Variants in GPC5 observed in about 807,000 individuals in gnomAD.
GPC5 encodes the protein glypican-5.
GPC5 carries 47 observed loss-of-function variants against 53.9 expected under a neutral mutation model. The observed-to-expected ratio is 0.87, with a 90% CI of 0.69 to 1.11. The LOEUF (loss-of-function observed/expected upper bound fraction) is 1.11, where lower values mean the gene tolerates loss of function less well. Among genes scored for constraint, GPC5 ranks in the 50% most tolerant of loss-of-function variants. The pLI is 0.00. For missense variants in GPC5, 748 were observed against 713.1 expected, an observed-to-expected ratio of 1.05 and a Z score of -0.56; for synonymous variants, 286 against 263.3, an observed-to-expected ratio of 1.09 and a Z score of -0.84.
intron 6 of GPC5, among the ~76,000 whole-genome samples, chr13:92,010,771 C>T (rs2040654321): frequency 1.3e-5 from 2 of 152,164 alleles, no homozygotes; most frequent in South Asian, 4.1e-4. Context: ...TAGGCATCTA[C>T]AAGCCAGGAA....
intron 7 of GPC5, among the ~76,000 whole-genome samples, chr13:92,551,070 G>T (rs1222390589): frequency 6.6e-6 from 1 of 151,874 alleles, no homozygotes; most frequent in African/African-American, 2.4e-5. Context: ...TTGATATTTT[G>T]TGATAATTGT....
At chr13:91,452,091 T>G (rs912570461) in intron 2 of GPC5, among the ~76,000 whole-genome samples, 5 of 152,106 alleles carry the variant, frequency 3.3e-5, no homozygotes, top group Non-Finnish European at 7.4e-5. Context: ...CTAAAGTGTT[T>G]CTCCTACTAC....
chr13:91,963,671 A>T (rs2139078855), intron 6 of GPC5, among the ~76,000 whole-genome samples: 1 of 152,276 alleles, frequency 6.6e-6, no homozygotes, highest in South Asian at 2.1e-4. Context: ...ACAAAAAGAT[A>T]ATGATTAAAA....
At chr13:91,972,284 G>T (rs535950275) in intron 6 of GPC5, among the ~76,000 whole-genome samples, 29 of 152,180 alleles carry the variant, frequency 1.9e-4, no homozygotes, top group African/African-American at 6.7e-4. Context: ...GACTAGGATT[G>T]CAACCCCTGC....
chr13:92,186,499 A>G (rs926068973), intron 7 of GPC5, among the ~76,000 whole-genome samples: 1 of 152,074 alleles, frequency 6.6e-6, no homozygotes, highest in Admixed American at 6.5e-5. Context: ...ATAATAAAAT[A>G]TATTAACTAG....
chr13:92,245,827 TTG>T lies in GPC5; in HGVS notation c.1561+100840_1561+100841del, dbSNP rs1158642789. On this transcript the variant is annotated intron_variant, in intron 7 of 7. Transcript: ENST00000377067. The stretch of plus-strand genomic sequence containing the variant: ...TTGCTTCAGTTATATGTAGTCAAAA[TTG>T]TTTCTTAAAATTTATTTTAACATCT... Among the ~76,000 whole-genome samples, 3 of 152,276 alleles carry T rather than the reference TTG, an allele frequency of 2.0e-5. No individual in the cohort carries two copies. In the East Asian group the frequency reaches 5.8e-4, roughly 29 times the overall value.
Position 91,756,433 on chromosome 13 carries a change from G to A in GPC5, c.1280+13G>A, listed in dbSNP as rs1322660049. ...ATATAGTAAAAAGGTATTTTATGTG[G>A]TCTGTGAAAACCTACTAGTTACATC... On this transcript the variant is annotated intron_variant, in intron 5 of 7. Coordinates refer to ENST00000377067, the MANE Select transcript of GPC5 (RefSeq NM_004466.6). 1.3e-6 allele frequency: 2 copies of A among 1,559,476 alleles called. No homozygotes were observed. The highest frequency in any genetic ancestry group is 1.2e-5 in the South Asian group (1 of 85,046).
chr13:92,164,203 G>T (rs1306740343), intron 7 of GPC5, among the ~76,000 whole-genome samples: 1 of 152,034 alleles, frequency 6.6e-6, no homozygotes, highest in African/African-American at 2.4e-5. Context: ...CAAAACACAA[G>T]CATGCCTTTC....
intron 7 of GPC5, among the ~76,000 whole-genome samples, chr13:92,377,558 A>C (rs2043705078): frequency 6.6e-6 from 1 of 152,204 alleles, no homozygotes; most frequent in African/African-American, 2.4e-5. Flanking sequence ...ATCAGCACCT[A>C]ATATATGTAA....
At chr13:92,323,448 T>C (rs929216774) in intron 7 of GPC5, among the ~76,000 whole-genome samples, 1 of 151,428 alleles carries the variant, frequency 6.6e-6, no homozygotes, top group Non-Finnish European at 1.5e-5. Context: ...TTAACTAGTT[T>C]GAACTGATTA....
chr13:92,210,596 A>AT (rs560563285), intron 7 of GPC5, among the ~76,000 whole-genome samples: 4 of 151,490 alleles, frequency 2.6e-5, no homozygotes, highest in South Asian at 2.1e-4. Context: ...GTGGTCCATA[A>AT]TTTTTTTTTG....
At chr13:91,787,069 G>A (rs2037891522) in intron 5 of GPC5, among the ~76,000 whole-genome samples, 1 of 151,606 alleles carries the variant, frequency 6.6e-6, no homozygotes, top group African/African-American at 2.4e-5. Flanking sequence ...AATTGCTAAA[G>A]TTTCTAATTA....
chr13:92,117,579 T>C (rs1180608161), intron 6 of GPC5, among the ~76,000 whole-genome samples: 1 of 152,208 alleles, frequency 6.6e-6, no homozygotes, highest in African/African-American at 2.4e-5. Context: ...TTGGGAAGAA[T>C]CGACATCTCA....
At chr13:91,684,207 C>G (rs182481856) in intron 2 of GPC5, among the ~76,000 whole-genome samples, 4 of 152,094 alleles carry the variant, frequency 2.6e-5, no homozygotes, top group Non-Finnish European at 5.9e-5. Flanking sequence ...CCACTCTTCC[C>G]TATCTTTTCC....
At chr13:92,811,136 C>T (rs1309617820) in intron 7 of GPC5, among the ~76,000 whole-genome samples, 2 of 151,986 alleles carry the variant, frequency 1.3e-5, no homozygotes, top group Non-Finnish European at 2.9e-5. Context: ...TGTTGATGGA[C>T]ACTGGATTGT....
chr13:92,060,687 T>C (rs544883835), intron 6 of GPC5, among the ~76,000 whole-genome samples: 9 of 152,226 alleles, frequency 5.9e-5, no homozygotes, highest in African/African-American at 1.9e-4. Flanking sequence ...TTATTGTGAA[T>C]GAACGGAAGT....
At chr13:92,210,897 C>G (rs756594940) in intron 7 of GPC5, among the ~76,000 whole-genome samples, 2 of 152,140 alleles carry the variant, frequency 1.3e-5, no homozygotes, top group African/African-American at 2.4e-5. Flanking sequence ...GCAGACATCA[C>G]GCTTACTTCT....
chr13:92,399,782 G>A (rs922202249), intron 7 of GPC5, among the ~76,000 whole-genome samples: 12 of 152,218 alleles, frequency 7.9e-5, no homozygotes, highest in African/African-American at 2.6e-4. Context: ...ACCTAAGCAT[G>A]TTTCCTCACT....
At chr13:92,247,135 G>T (rs1318306911) in intron 7 of GPC5, among the ~76,000 whole-genome samples, 2 of 152,038 alleles carry the variant, frequency 1.3e-5, no homozygotes, top group Non-Finnish European at 2.9e-5. Flanking sequence ...CTATAATATG[G>T]CTTTGCCCTA....
Sources: allele counts gnomAD v4.1 joint callset (sites outside exome capture counted in the v4.1 genomes callset), GRCh38; gene constraint gnomAD v4.1.1; transcripts MANE v1.5; gene names NCBI Gene and HGNC (gene_info 2026-07-23, HGNC 2026-07-21).